RBFOX2: variants seen among roughly 807,000 people sequenced by gnomAD.
RBFOX2 encodes the protein RNA binding fox-1 homolog 2.
RBFOX2 carries 10 observed loss-of-function variants against 49.1 expected under a neutral mutation model. The observed-to-expected ratio is 0.20, with a 90% CI of 0.13 to 0.35. The LOEUF is 0.35. RBFOX2 is among the 10% of genes least tolerant of loss of function. The probability of loss-of-function intolerance (pLI) is 1.00; values close to 1 mark genes in which losing one functional copy is unlikely to be tolerated. For synonymous variants in RBFOX2, 183 were observed against 187.4 expected (o/e 0.98, Z 0.19); for missense variants, 323 against 486.9 (o/e 0.66, Z 3.17).
intron 1 of RBFOX2, among the ~76,000 whole-genome samples, chr22:35,913,546 GTA>G (rs1404739123): frequency 2.0e-5 from 3 of 148,802 alleles, no homozygotes; most frequent in Non-Finnish European, 4.5e-5. Context: ...GTGTGTATAT[GTA>G]TGTGTGTGTG....
intron 1 of RBFOX2, among the ~76,000 whole-genome samples, chr22:35,874,484 A>T (rs1261955790): frequency 6.6e-6 from 1 of 152,230 alleles, no homozygotes; most frequent in Non-Finnish European, 1.5e-5. Flanking sequence ...ACAGAATGAA[A>T]GAAAAAGAAG....
chr22:35,786,053 G>A (rs922200456), intron 2 of RBFOX2, among the ~76,000 whole-genome samples: 7 of 152,144 alleles, frequency 4.6e-5, no homozygotes, highest in Non-Finnish European at 8.8e-5. Flanking sequence ...ATCACTCTGA[G>A]GAAAGTTAAA....
At chr22:35,991,667 G>A (rs1006793315) in intron 1 of RBFOX2, among the ~76,000 whole-genome samples, 4 of 152,174 alleles carry the variant, frequency 2.6e-5, no homozygotes, top group Non-Finnish European at 5.9e-5. Context: ...AGAACCCTGA[G>A]ATTCTGCAAG....
At chr22:35,787,193 C>A (rs1373125168) in intron 2 of RBFOX2, among the ~76,000 whole-genome samples, 3 of 152,150 alleles carry the variant, frequency 2.0e-5, no homozygotes, top group Non-Finnish European at 4.4e-5. Flanking sequence ...GTGCGAGCCA[C>A]TACACATGAC....
chr22:35,758,467 A>G (rs1283355439), intron 9 of RBFOX2, among the ~76,000 whole-genome samples: 1 of 152,212 alleles, frequency 6.6e-6, no homozygotes, highest in Non-Finnish European at 1.5e-5. Context: ...GACATTTCAC[A>G]AACAATTTTC....
chr22:35,991,493 G>A (rs575572736), intron 1 of RBFOX2, among the ~76,000 whole-genome samples: 2 of 152,268 alleles, frequency 1.3e-5, no homozygotes, highest in African/African-American at 2.4e-5. Flanking sequence ...AAATTGGAGG[G>A]AGGCAGGAGG....
intron 1 of RBFOX2, among the ~76,000 whole-genome samples, chr22:36,018,622 TTTTA>T (rs1272562311): frequency 6.6e-6 from 1 of 152,090 alleles, no homozygotes; most frequent in African/African-American, 2.4e-5. Flanking sequence ...GACTCTTTTG[TTTTA>T]TTTTTGAGAC....
intron 1 of RBFOX2, among the ~76,000 whole-genome samples, chr22:35,957,701 AC>A (rs1469177290): frequency 6.6e-6 from 1 of 152,178 alleles, no homozygotes; most frequent in Non-Finnish European, 1.5e-5. Context: ...CAGGCCTGGA[AC>A]CCAAGTCCTC....
intron 1 of RBFOX2, among the ~76,000 whole-genome samples, chr22:35,810,603 A>G (rs1951680091): frequency 6.6e-6 from 1 of 152,220 alleles, no homozygotes; most frequent in Non-Finnish European, 1.5e-5. Context: ...AACAACTAAT[A>G]AAAATGCTCA....
At chr22:35,916,543 A>G (rs2050430928) in intron 1 of RBFOX2, among the ~76,000 whole-genome samples, 1 of 152,146 alleles carries the variant, frequency 6.6e-6, no homozygotes, top group African/African-American at 2.4e-5. Context: ...CGGCCTCCCA[A>G]AGGGCTGGGG....
chr22:36,014,242 C>T (rs1427845908), intron 1 of RBFOX2, among the ~76,000 whole-genome samples: 2 of 151,954 alleles, frequency 1.3e-5, no homozygotes, highest in Non-Finnish European at 2.9e-5. Flanking sequence ...CTGCCTCAGC[C>T]TCTCCGAGTA....
At chr22:35,881,507 A>G (rs1457532207) in intron 1 of RBFOX2, among the ~76,000 whole-genome samples, 1 of 150,354 alleles carries the variant, frequency 6.7e-6, no homozygotes, top group Non-Finnish European at 1.5e-5. Context: ...GCTTGAATCC[A>G]GGAGATTGAG....
chr22:35,767,821 A>G (rs1389703306), intron 5 of RBFOX2, among the ~76,000 whole-genome samples: 1 of 152,178 alleles, frequency 6.6e-6, no homozygotes, highest in African/African-American at 2.4e-5. Flanking sequence ...GAGAGAGGAT[A>G]TTGGCTGGCC....
intron 1 of RBFOX2, chr22:35,897,652 T>C: frequency 7.1e-7 from 1 of 1,406,634 alleles, no homozygotes; most frequent in Non-Finnish European, 1.0e-6. Context: ...CTTAACTGCA[T>C]TAACAATTCC....
intron 1 of RBFOX2, among the ~76,000 whole-genome samples, chr22:35,851,439 A>AT (rs1364319032): frequency 1.3e-5 from 2 of 152,248 alleles, no homozygotes; most frequent in African/African-American, 4.8e-5. Flanking sequence ...GGAGAAATAG[A>AT]TAAGGACACA....
At chr22:35,767,994 A>C (rs1363847080) in intron 5 of RBFOX2, among the ~76,000 whole-genome samples, 1 of 152,152 alleles carries the variant, frequency 6.6e-6, no homozygotes, top group Non-Finnish European at 1.5e-5. Flanking sequence ...GGAAAAACAT[A>C]AATGAAAAAC....
chr22:36,020,773 T>C (rs1025205393), intron 1 of RBFOX2, among the ~76,000 whole-genome samples: 7 of 152,122 alleles, frequency 4.6e-5, no homozygotes, highest in African/African-American at 7.2e-5. Context: ...TGTGGAGAAA[T>C]AGGAACACTT....
At chr22:36,028,384 C>A in exon 1 of RBFOX2, 2 of 1,315,170 alleles carry the variant, frequency 1.5e-6, no homozygotes, top group Non-Finnish European at 1.9e-6. Flanking sequence ...CGGCGCCGGG[C>A]CCGAGCTGAG....
At chr22:35,858,459 ATACT>A (rs1358247727) in intron 1 of RBFOX2, among the ~76,000 whole-genome samples, 2 of 152,202 alleles carry the variant, frequency 1.3e-5, no homozygotes, top group African/African-American at 2.4e-5. Context: ...GTTTTTAGAC[ATACT>A]TATTTTATTG....
Sources: gnomAD v4.1 joint callset for allele counts (sites outside exome capture counted in the v4.1 genomes callset) on GRCh38, gnomAD v4.1.1 for gene constraint, MANE v1.5 for transcripts, NCBI Gene and HGNC (gene_info 2026-07-23, HGNC 2026-07-21) for gene names.